Variants in ASTN2 observed in about 807,000 individuals in gnomAD.
ASTN2 encodes astrotactin-2.
Under a neutral mutation model 139.8 loss-of-function variants are expected in ASTN2, and 54 were observed. The ratio of observed to expected loss-of-function variants is 0.39; its 90% CI spans 0.31 to 0.48. The LOEUF is 0.48. Among genes scored for constraint, ASTN2 ranks in the 20% least tolerant of loss-of-function variants. ASTN2 has a pLI of 0.95. For missense variants in ASTN2, 1,565 were observed against 1,725.1 expected (o/e 0.91, Z 1.64); for synonymous variants, 756 against 719.5 (o/e 1.05, Z -0.81).
chr9:116,734,822 C>T (rs1828882362), intron 13 of ASTN2, among the ~76,000 whole-genome samples: 1 of 152,170 alleles, frequency 6.6e-6, no homozygotes, highest in Non-Finnish European at 1.5e-5. Flanking sequence ...ACCTTTGAAG[C>T]TCATCATCAA....
At chr9:117,164,593 G>C (rs1484555745) in intron 3 of ASTN2, among the ~76,000 whole-genome samples, 1 of 152,066 alleles carries the variant, frequency 6.6e-6, no homozygotes, top group Non-Finnish European at 1.5e-5. Context: ...GCTCTGAAGT[G>C]TGTTATTCAT....
chr9:116,498,597 CAA>C (rs371021345), intron 19 of ASTN2, among the ~76,000 whole-genome samples: 10 of 134,100 alleles, frequency 7.5e-5, no homozygotes, highest in Admixed American at 2.3e-4. Context: ...GACCCTACCT[CAA>C]AAAAAAAAAA....
intron 19 of ASTN2, among the ~76,000 whole-genome samples, chr9:116,526,955 G>A (rs1326808833): frequency 6.6e-6 from 1 of 152,182 alleles, no homozygotes; most frequent in African/African-American, 2.4e-5. Flanking sequence ...AAAGGACAGT[G>A]TCTTCAATAA....
chr9:117,023,668 A>C (rs1164907149), intron 6 of ASTN2, among the ~76,000 whole-genome samples: 1 of 152,148 alleles, frequency 6.6e-6, no homozygotes, highest in Non-Finnish European at 1.5e-5. Context: ...ACACATAAGA[A>C]ACAGGAAATA....
intron 16 of ASTN2, among the ~76,000 whole-genome samples, chr9:116,666,294 G>T (rs1858857585): frequency 6.6e-6 from 1 of 152,182 alleles, no homozygotes; most frequent in African/African-American, 2.4e-5. Context: ...GGTACTCCTT[G>T]GATGATAGAA....
At chr9:116,649,607 C>A (rs920792946) in intron 17 of ASTN2, among the ~76,000 whole-genome samples, 4 of 150,852 alleles carry the variant, frequency 2.7e-5, no homozygotes, top group Admixed American at 2.0e-4. Flanking sequence ...GACTTACTTT[C>A]TTCAGTTAAT....
At chr9:117,201,350 G>T (rs1486856112) in intron 3 of ASTN2, among the ~76,000 whole-genome samples, 1 of 151,912 alleles carries the variant, frequency 6.6e-6, no homozygotes, top group African/African-American at 2.4e-5. Context: ...TTTTTGGAGG[G>T]TTTTTCATGT....
chr9:117,320,207 A>G (rs1234470425), intron 1 of ASTN2, among the ~76,000 whole-genome samples: 1 of 152,206 alleles, frequency 6.6e-6, no homozygotes, highest in Non-Finnish European at 1.5e-5. Flanking sequence ...GCTCACCGAA[A>G]TACAGATCTC....
At chr9:116,907,209 G>T (rs1444678061) in intron 10 of ASTN2, among the ~76,000 whole-genome samples, 1 of 152,200 alleles carries the variant, frequency 6.6e-6, no homozygotes, top group Non-Finnish European at 1.5e-5. Flanking sequence ...TGTTTAAGAA[G>T]AGTAGGTTGT....
At chr9:117,196,878 T>C (rs1831522544) in intron 3 of ASTN2, among the ~76,000 whole-genome samples, 1 of 152,138 alleles carries the variant, frequency 6.6e-6, no homozygotes, top group African/African-American at 2.4e-5. Context: ...GTTGTTTGTG[T>C]AGATCTGTGT....
chr9:117,164,605 G>C (rs932916442), intron 3 of ASTN2, among the ~76,000 whole-genome samples: 1 of 152,066 alleles, frequency 6.6e-6, no homozygotes, highest in Admixed American at 6.6e-5. Context: ...GTTATTCATG[G>C]GTAGATTTGA....
At chr9:116,897,853 A>C (rs1282466398) in intron 10 of ASTN2, among the ~76,000 whole-genome samples, 2 of 152,176 alleles carry the variant, frequency 1.3e-5, no homozygotes, top group Non-Finnish European at 2.9e-5. Flanking sequence ...GACAACACAA[A>C]CTCATTTAAA....
chr9:117,120,012 GTGTGTGTATATATATATA>G (rs1364545096), intron 4 of ASTN2, among the ~76,000 whole-genome samples: 86 of 68,760 alleles, frequency 1.3e-3, no homozygotes, highest in African/African-American at 3.4e-3. Flanking sequence ...GTGTGTGTGT[GTGTGTGTATATATATATA>G]TATATATATA....
chr9:117,121,784 A>AC (rs1379614623), intron 4 of ASTN2, among the ~76,000 whole-genome samples: 6 of 152,226 alleles, frequency 3.9e-5, no homozygotes, highest in Non-Finnish European at 8.8e-5. Context: ...CAGGAAACTT[A>AC]CAATCATGGC....
chr9:117,008,324 A>G, intron 6 of ASTN2, 65 bp from the exon 7 acceptor site: 2 of 1,445,086 alleles, frequency 1.4e-6, no homozygotes, highest in Non-Finnish European at 1.9e-6. Flanking sequence ...ATGCTACAGA[A>G]CACAGAAAGG....
intron 14 of ASTN2, among the ~76,000 whole-genome samples, chr9:116,729,516 A>G (rs1828721900): frequency 6.6e-6 from 1 of 152,242 alleles, no homozygotes; most frequent in Admixed American, 6.5e-5. Flanking sequence ...CTGGTAACCT[A>G]GAAATGTTGT....
intron 20 of ASTN2, among the ~76,000 whole-genome samples, chr9:116,457,822 C>T (rs560614764): frequency 6.6e-6 from 1 of 152,092 alleles, no homozygotes; most frequent in South Asian, 2.1e-4. Flanking sequence ...GCTAGAACTA[C>T]CATATGATCC....
At position 116,909,701 on chromosome 9, in the gene ASTN2, C is replaced by T. The variant is rs1339842013; in HGVS notation, c.1890-45968G>A. On this transcript the variant is annotated intron_variant, in intron 10 of 22. Coordinates refer to ENST00000313400, the MANE Select transcript of ASTN2 (RefSeq NM_001365068.1). Reference sequence around the variant, plus strand: ...AGGTCAGAAAGAAGGGAGGATATAGCAGGGAGAGTGAGCTGCCTGTGAGGT... The same window carrying T: ...AGGTCAGAAAGAAGGGAGGATATAGTAGGGAGAGTGAGCTGCCTGTGAGGT... Among the ~76,000 whole-genome samples, 3 of 152,138 alleles carry T rather than the reference C, an allele frequency of 2.0e-5. No homozygotes were observed. In the East Asian group the frequency reaches 5.8e-4, roughly 29 times the overall value.
chr9:116,554,458 C>A (rs979156592), intron 19 of ASTN2, among the ~76,000 whole-genome samples: 1 of 152,134 alleles, frequency 6.6e-6, no homozygotes, highest in Non-Finnish European at 1.5e-5. Flanking sequence ...ATGGTATTTA[C>A]GAAAGTGTGG....
Sources: gnomAD v4.1 joint callset for allele counts (sites outside exome capture counted in the v4.1 genomes callset) on GRCh38, gnomAD v4.1.1 for gene constraint, MANE v1.5 for transcripts, NCBI Gene and HGNC (gene_info 2026-07-23, HGNC 2026-07-21) for gene names.